The following GLYATL1 variants were observed in gnomAD, a reference collection of about 807,000 sequenced individuals.
GLYATL1 encodes glycine-N-acyltransferase like 1.
Under a neutral mutation model 20.0 loss-of-function variants are expected in GLYATL1, and 15 were observed. The observed-to-expected ratio is 0.75, with a 90% confidence interval of 0.50 to 1.15. GLYATL1 has a LOEUF of 1.15. Among genes scored for constraint, GLYATL1 ranks in the 50% most tolerant of loss-of-function variants. The pLI, the probability that GLYATL1 is intolerant of heterozygous loss-of-function variation, is 0.00. For synonymous variants in GLYATL1, 151 were observed against 131.5 expected, an observed-to-expected ratio of 1.15 and a Z score of -1.01; for missense variants, 380 against 368.5, an observed-to-expected ratio of 1.03 and a Z score of -0.26.
At chr11:58,910,421 CTT>C (rs947859820), downstream of GLYATL1, among the ~76,000 whole-genome samples, 1 of 152,084 alleles carries the variant, frequency 6.6e-6, no homozygotes, top group Non-Finnish European at 1.5e-5. Context: ...TTAAATTAAA[CTT>C]AACTAAAATC....
downstream of GLYATL1, among the ~76,000 whole-genome samples, chr11:58,911,982 T>G (rs555445029): frequency 2.6e-5 from 4 of 152,354 alleles, no homozygotes; most frequent in South Asian, 8.3e-4. Context: ...TAAGTTTTTT[T>G]TTGTATGGTG....
upstream of GLYATL1, among the ~76,000 whole-genome samples, chr11:58,935,883 G>C (rs896462884): frequency 6.6e-6 from 1 of 152,020 alleles, no homozygotes; most frequent in Non-Finnish European, 1.5e-5. Context: ...ATTCATCAAG[G>C]TTTATATATT....
intron 2 of GLYATL1, among the ~76,000 whole-genome samples, chr11:58,944,364 G>A (rs1424407833): frequency 6.6e-6 from 1 of 152,160 alleles, no homozygotes; most frequent in Non-Finnish European, 1.5e-5. Context: ...GAATTGTGGT[G>A]AATGGGGAGC....
chr11:58,956,015 A>T lies in GLYATL1; in HGVS notation c.897A>T (p.Leu299=). ...AATGGACTTGCTACCCACAGAATCT[A>T]GTTCCATTTTAGACAATGAAGCTGC... ...WHQWTCYPQN[L]VPF Residue 299 remains leucine, a synonymous_variant, in exon 7 of 7, where the codon CTA becomes CTT. Transcript: ENST00000532726. 3 of 1,610,716 alleles carry T rather than the reference A, an allele frequency of 1.9e-6. No individual in the cohort carries two copies. Among genetic ancestry groups the T allele is most frequent in the Non-Finnish European group, 2.5e-6 (3 of 1,177,166 alleles).
chr11:58,953,952 C>G (rs1183343010), intron 4 of GLYATL1, among the ~76,000 whole-genome samples: 2 of 152,178 alleles, frequency 1.3e-5, no homozygotes, highest in African/African-American at 4.8e-5. Flanking sequence ...GAGTCTCTTT[C>G]TTTCAAACCC....
At chr11:58,931,968 C>A (rs1855619021) in intron 1 of GLYATL1, among the ~76,000 whole-genome samples, 1 of 151,534 alleles carries the variant, frequency 6.6e-6, no homozygotes, top group Non-Finnish European at 1.5e-5. Context: ...AAAAATTAGC[C>A]AGGCGTGGTG....
At chr11:58,918,314 G>C (rs1375925489) in intron 1 of GLYATL1, among the ~76,000 whole-genome samples, 1 of 152,202 alleles carries the variant, frequency 6.6e-6, no homozygotes, top group Admixed American at 6.5e-5. Flanking sequence ...TCCAGGTTTG[G>C]ACTGTAACAT....
chr11:58,925,054 C>G (rs371917031), upstream of GLYATL1, among the ~76,000 whole-genome samples: 1 of 152,152 alleles, frequency 6.6e-6, no homozygotes, highest in East Asian at 1.9e-4. Context: ...GCTGTGGGTC[C>G]TTAGGGTTTT....
chr11:58,905,720 A>T (rs550721488), intron 1 of GLYATL1: 87 of 165,186 alleles, frequency 5.3e-4, no homozygotes, highest in African/African-American at 3.1e-3. Flanking sequence ...TGGGACCGGG[A>T]TGGGTCATCT....
chr11:58,907,366 C>T (rs1018400035), exon 2 of GLYATL1: 10 of 456,206 alleles, frequency 2.2e-5, no homozygotes, highest in Admixed American at 1.6e-4. Context: ...CCTGGAATCC[C>T]TCACGGTAGT....
intron 1 of GLYATL1, among the ~76,000 whole-genome samples, chr11:58,916,066 T>G (rs898743601): frequency 4.6e-5 from 7 of 152,186 alleles, no homozygotes; most frequent in Non-Finnish European, 8.8e-5. Flanking sequence ...CACTACCACA[T>G]ACTTTCCCAC....
chr11:58,922,831 T>C (rs370921378), upstream of GLYATL1, among the ~76,000 whole-genome samples: 34 of 152,332 alleles, frequency 2.2e-4, no homozygotes, highest in South Asian at 4.1e-3. Context: ...TAAATCGATA[T>C]AGGAGAATTT....
In GLYATL1 at chr11:58,955,919, G is replaced by A. The variant is rs1857387630; in HGVS notation, c.801G>A (p.Leu267=). Residue 267 remains leucine, a synonymous_variant, in exon 7 of 7, where the codon TTG becomes TTA. Transcript: ENST00000532726. ...QKNIPFYISV[L]EENEDSRRFV... is the part of the protein sequence containing the mutation. ...ATATTCCATTTTACATCTCTGTGTT[G>A]GAAGAAAATGAAGACTCCCGCAGAT... 11 of 1,614,068 alleles carry A rather than the reference G, an allele frequency of 6.8e-6. No individual in the cohort carries two copies. Among genetic ancestry groups the A allele is most frequent in the Non-Finnish European group, 9.3e-6 (11 of 1,180,028 alleles).
intron 1 of GLYATL1, among the ~76,000 whole-genome samples, chr11:58,932,912 C>T (rs1457143665): frequency 6.6e-6 from 1 of 152,052 alleles, no homozygotes. Flanking sequence ...TTGTAGTGTG[C>T]TATTTTTTAA....
upstream of GLYATL1, chr11:58,935,697 T>G (rs1313466174): frequency 3.9e-5 from 6 of 152,162 alleles, no homozygotes; most frequent in Non-Finnish European, 5.9e-5. Flanking sequence ...ACAGGTCTCC[T>G]GCTAATTTGG....
chr11:58,954,647 T>G, intron 4 of GLYATL1, 123 bp from the exon 5 acceptor site: 1 of 799,818 alleles, frequency 1.3e-6, no homozygotes, highest in South Asian at 1.9e-5. Flanking sequence ...TGTGCCCAAC[T>G]GCAGCCATCA....
chr11:58,954,699 G>A, intron 4 of GLYATL1, 71 bp from the exon 5 acceptor site: 2 of 1,429,944 alleles, frequency 1.4e-6, no homozygotes, highest in Non-Finnish European at 1.9e-6. Flanking sequence ...TCATTTTTCT[G>A]ATAATTGCAA....
chr11:58,922,885 A>G (rs904817189), upstream of GLYATL1, among the ~76,000 whole-genome samples: 12 of 152,174 alleles, frequency 7.9e-5, no homozygotes, highest in Admixed American at 7.2e-4. Context: ...CATCACCTTA[A>G]ATACATGGCC....
chr11:58,955,548 T>C (rs1252828930), intron 6 of GLYATL1, 62 bp from the exon 7 acceptor site: 21 of 1,536,208 alleles, frequency 1.4e-5, no homozygotes, highest in Non-Finnish European at 1.8e-5. Context: ...TAGATTGGGA[T>C]GGCACCTAGA....
Sources: allele counts gnomAD v4.1 joint callset (sites outside exome capture counted in the v4.1 genomes callset), GRCh38; gene constraint gnomAD v4.1.1; transcripts MANE v1.5; gene names NCBI Gene and HGNC (gene_info 2026-07-23, HGNC 2026-07-21).